The following CPA3 variants were observed in gnomAD, a reference collection of about 807,000 sequenced individuals.
The protein encoded by CPA3 is carboxypeptidase A3, also known as mast cell carboxypeptidase A.
CPA3 carries 52 observed loss-of-function variants against 55.8 expected under a neutral mutation model. The ratio of observed to expected loss-of-function variants is 0.93; its 90% CI spans 0.75 to 1.17. CPA3 has a LOEUF of 1.17. Among genes scored for constraint, CPA3 ranks in the 50% most tolerant of loss-of-function variants. The pLI is 0.00. For missense variants in CPA3, 547 were observed against 509.1 expected, an observed-to-expected ratio of 1.07 and a Z score of -0.72; for synonymous variants, 179 against 171.2, an observed-to-expected ratio of 1.05 and a Z score of -0.36.
Position 148,888,879 on chromosome 3 carries a change from A to G in CPA3, c.1066+2702A>G, listed in dbSNP as rs78742738. ...AGCAGGCTAGCACTTTGGAGCTTTC[A>G]GAGATAAATGAGAGGACTTAGGACA... On this transcript the variant is annotated intron_variant, in intron 10 of 10. Coordinates refer to ENST00000296046, the MANE Select transcript of CPA3 (RefSeq NM_001870.4). 9.1e-3 allele frequency among the ~76,000 whole-genome samples: 1,381 copies of G among 152,328 alleles called. 27 individuals carry two copies. Among genetic ancestry groups the G allele is most frequent in the African/African-American group, 0.032 (1,331 of 41,570 alleles).
intron 5 of CPA3, among the ~76,000 whole-genome samples, 159 bp downstream of exon 5, chr3:148,878,907 C>T (rs1339212843): frequency 1.3e-5 from 2 of 152,142 alleles, no homozygotes; most frequent in Non-Finnish European, 2.9e-5. Context: ...AAATGACAAG[C>T]GGTTTTGGTG....
chr3:148,883,885 T>G (rs1341859355), intron 9 of CPA3, 70 bp downstream of exon 9: 1 of 1,124,534 alleles, frequency 8.9e-7, no homozygotes, highest in South Asian at 1.3e-5. Context: ...CTTCATTAAC[T>G]TGGGTATGTT....
At chr3:148,890,989 T>A (rs4681160) in intron 10 of CPA3, among the ~76,000 whole-genome samples, 96,242 of 152,036 alleles carry the variant, frequency 0.63, 30,607 homozygotes, top group East Asian at 0.69. Context: ...TATTGGCTAG[T>A]ATATAGAGTG....
rs143184657 is a variant in CPA3 at position 148,883,652 on chromosome 3, G to C, written c.818G>C (p.Arg273Pro). The C allele has an allele frequency of 8.7e-3, 14,067 of 1,613,932 alleles. 82 individuals are homozygous for C. The highest frequency in any genetic ancestry group is 0.01 in the Non-Finnish European group (12,173 of 1,179,950). ...AATGACCCATGTGCAGATAACTATC[G>C]GGGCTCTGCACCAGAGTCCGAGAAA... ...NTNDPCADNY[R>P]GSAPESEKET... is the part of the protein sequence containing the mutation. The change falls in exon 9 of 11, where the codon CGG becomes CCG. Residue 273 changes from arginine (R) to proline (P), a missense_variant. Arg to Pro is a moderately radical substitution (Grantham distance 103). Transcript: ENST00000296046.
In CPA3 at chr3:148,878,740, G is replaced by C; in HGVS notation, c.466G>C (p.Val156Leu). The C allele has an allele frequency of 1.3e-6, 2 of 1,562,812 alleles. No homozygotes were observed. The highest frequency in any genetic ancestry group is 1.8e-6 in the Non-Finnish European group (2 of 1,142,364). Residue 156 changes from valine to leucine, a missense_variant, in exon 5 of 11, where the codon GTT (valine) becomes CTT (leucine). Coordinates refer to ENST00000296046, the MANE Select transcript of CPA3 (RefSeq NM_001870.4). ...GSTVEDNPLY[V>L]LKIGEKNERR... ...TACTGTTGAAGATAATCCACTATAT[G>C]TTCTGAAGGTAAAAATAACTCAAGA...
chr3:148,869,466 A>T (rs1342765510), intron 3 of CPA3, among the ~76,000 whole-genome samples: 1 of 152,170 alleles, frequency 6.6e-6, no homozygotes, highest in Non-Finnish European at 1.5e-5. Flanking sequence ...AGACCAAAAA[A>T]AAAAGTCATT....
intron 8 of CPA3, among the ~76,000 whole-genome samples, chr3:148,882,831 T>A (rs1036106367): frequency 3.9e-5 from 6 of 152,146 alleles, no homozygotes; most frequent in African/African-American, 1.4e-4. Context: ...ATATCTAGTT[T>A]GCTAAAAATT....
intron 3 of CPA3, among the ~76,000 whole-genome samples, chr3:148,873,158 C>A (rs1311539921): frequency 6.6e-6 from 1 of 151,824 alleles, no homozygotes; most frequent in East Asian, 1.9e-4. Context: ...TTGAGAAATC[C>A]ATGTCAGTAA....
intron 3 of CPA3, among the ~76,000 whole-genome samples, chr3:148,875,732 T>A (rs928617059): frequency 6.6e-6 from 1 of 152,144 alleles, no homozygotes; most frequent in African/African-American, 2.4e-5. Flanking sequence ...TATTTGTAAA[T>A]CTCCTACAGC....
At chr3:148,868,054 C>G (rs1265781413) in intron 2 of CPA3, among the ~76,000 whole-genome samples, 5 of 152,050 alleles carry the variant, frequency 3.3e-5, no homozygotes, top group African/African-American at 4.8e-5. Flanking sequence ...TGCCACCATG[C>G]CTGGCTAATT....
intron 3 of CPA3, among the ~76,000 whole-genome samples, chr3:148,871,758 C>T (rs1714075079): frequency 6.6e-6 from 1 of 152,152 alleles, no homozygotes; most frequent in African/African-American, 2.4e-5. Flanking sequence ...CCCAAATCAG[C>T]CACAGTTATG....
At position 148,896,805 on chromosome 3, in the gene CPA3, A is replaced by T; in HGVS notation, c.*98A>T. The T allele has an allele frequency of 1.0e-6, 1 of 1,004,698 alleles. No homozygotes were observed. Among genetic ancestry groups the T allele is most frequent in the East Asian group, 2.5e-5 (1 of 39,494 alleles). 62.2% of individuals were successfully genotyped at this position (1,004,698 alleles called of 1,614,324 possible). On this transcript the variant is annotated 3_prime_UTR_variant, in exon 11 of 11. Transcript: ENST00000296046. ...TATCCCCAAATGCAGCTTCTATTTC[A>T]CCTGAATCCTTCTCTTGCTCATTTA...
rs553700648 is a variant in CPA3 at position 148,866,526 on chromosome 3, C to A, written c.144+978C>A. Among the ~76,000 whole-genome samples the A allele has an allele frequency of 9.2e-5, 14 of 152,350 alleles. No individual in the cohort carries two copies. The South Asian group carries it at 2.9e-3, about 32-fold the overall frequency. ...TTTGAGGGTCATTACTAAGAAGCAG[C>A]CTAGTACGGAAAAAGCATTTTCTTC... On this transcript the variant is annotated intron_variant, in intron 2 of 10. Transcript: ENST00000296046.
chr3:148,887,121 T>A (rs568227902), intron 10 of CPA3, among the ~76,000 whole-genome samples: 9 of 152,244 alleles, frequency 5.9e-5, no homozygotes, highest in African/African-American at 1.4e-4. Flanking sequence ...TCAGTAATTT[T>A]TTTTTCTGTA....
intron 10 of CPA3, among the ~76,000 whole-genome samples, chr3:148,889,814 G>A (rs1412907371): frequency 1.4e-5 from 2 of 143,502 alleles, no homozygotes; most frequent in African/African-American, 5.3e-5. Context: ...AGGTTGCAGT[G>A]AGCCAAGATC....
intron 2 of CPA3, 115 bp from the exon 3 acceptor site, chr3:148,868,800 T>C: frequency 5.2e-6 from 6 of 1,156,144 alleles, no homozygotes; most frequent in Middle Eastern, 2.2e-4. Flanking sequence ...GGTCTGTATC[T>C]TAGTTATGCT....
chr3:148,884,811 T>G (rs1201308927), intron 9 of CPA3, among the ~76,000 whole-genome samples: 1 of 151,788 alleles, frequency 6.6e-6, no homozygotes, highest in Non-Finnish European at 1.5e-5. Flanking sequence ...TACAGCACTG[T>G]GATTTCAATC....
At chr3:148,887,135 G>A (rs1265943316) in intron 10 of CPA3, among the ~76,000 whole-genome samples, 1 of 151,474 alleles carries the variant, frequency 6.6e-6, no homozygotes, top group African/African-American at 2.4e-5. Flanking sequence ...TTCTGTAAAG[G>A]GCCAGATAGT....
intron 3 of CPA3, among the ~76,000 whole-genome samples, chr3:148,873,262 C>T (rs916757330): frequency 2.6e-5 from 4 of 152,098 alleles, no homozygotes; most frequent in African/African-American, 9.7e-5. Context: ...TGAATAGCAC[C>T]ATATCCTGAT....
Sources: gnomAD v4.1 joint callset for allele counts (sites outside exome capture counted in the v4.1 genomes callset) on GRCh38, gnomAD v4.1.1 for gene constraint, MANE v1.5 for transcripts, NCBI Gene and HGNC (gene_info 2026-07-23, HGNC 2026-07-21) for gene names.